The following HS2ST1 variants were observed in gnomAD, a reference collection of about 807,000 sequenced individuals.
The protein encoded by HS2ST1 is heparan sulfate 2-O-sulfotransferase 1.
In HS2ST1, 18 loss-of-function variants were observed where a neutral mutation model predicts 42.9. That is an observed-to-expected ratio of 0.42 (90% confidence interval 0.29 to 0.62). The LOEUF (loss-of-function observed/expected upper bound fraction) is 0.62. HS2ST1 is among the 20% of genes least tolerant of loss of function. The pLI, the probability that HS2ST1 is intolerant of heterozygous loss-of-function variation, is 0.21. For synonymous variants in HS2ST1, 146 were observed against 152.9 expected (o/e 0.95, Z 0.33); for missense variants, 334 against 433.8 (o/e 0.77, Z 2.04).
chr1:86,949,894 A>G (rs1647454003), intron 1 of HS2ST1, among the ~76,000 whole-genome samples: 1 of 152,230 alleles, frequency 6.6e-6, no homozygotes, highest in African/African-American at 2.4e-5. Flanking sequence ...CAGGAGATGC[A>G]AAATCTACTT....
chr1:86,978,304 T>G (rs1170046186), intron 1 of HS2ST1, among the ~76,000 whole-genome samples: 2 of 152,222 alleles, frequency 1.3e-5, no homozygotes, highest in Non-Finnish European at 2.9e-5. Context: ...TATTTGTAAG[T>G]TTTAAGTGAA....
Position 87,089,325 on chromosome 1 carries a change from T to C in HS2ST1, c.450-3206T>C, listed in dbSNP as rs72955589. The stretch of plus-strand genomic sequence containing the variant: ...CAACCTGCTGCTCAGATTATATCTT[T>C]TCGTTTCTGATTTTCATCTGCAGAT... On this transcript the variant is annotated intron_variant, in intron 3 of 6. Coordinates refer to ENST00000370550, the MANE Select transcript of HS2ST1 (RefSeq NM_012262.4). Among the ~76,000 whole-genome samples, 576 of 152,188 alleles carry C rather than the reference T, an allele frequency of 3.8e-3. 4 individuals are homozygous for C. The highest frequency in any genetic ancestry group is 0.013 in the African/African-American group (536 of 41,542).
At chr1:87,040,624 C>G (rs1189251425) in intron 1 of HS2ST1, among the ~76,000 whole-genome samples, 1 of 152,118 alleles carries the variant, frequency 6.6e-6, no homozygotes, top group Non-Finnish European at 1.5e-5. Context: ...GTGGCCCTTT[C>G]AGAACCTCAA....
rs745578597 is a variant in HS2ST1 at position 87,092,624 on chromosome 1, T to C, written c.543T>C (p.Asp181=). ...VSYYYFLRFG[D]DYRPGLRRRK... is the part of the protein sequence containing the mutation. Reference sequence around the variant, plus strand: ...ATTATTACTTTCTGAGATTTGGAGATGATTATAGACCAGGGTTACGGAGAC... The same window carrying C: ...ATTATTACTTTCTGAGATTTGGAGACGATTATAGACCAGGGTTACGGAGAC... The change falls in exon 4 of 7, where the codon GAT becomes GAC. Residue 181 remains aspartate (D), a synonymous_variant. Transcript: ENST00000370550. 2 of 1,584,552 alleles carry C rather than the reference T, an allele frequency of 1.3e-6. No homozygotes were observed. Among genetic ancestry groups the C allele is most frequent in the Admixed American group, 3.6e-5 (2 of 55,126 alleles).
intron 1 of HS2ST1, among the ~76,000 whole-genome samples, chr1:87,021,549 C>T (rs1221509422): frequency 6.6e-6 from 1 of 152,180 alleles, no homozygotes; most frequent in Non-Finnish European, 1.5e-5. Flanking sequence ...AGATTTCACT[C>T]TGTCATCCAG....
At chr1:87,101,505 A>G (rs1557546608) in intron 5 of HS2ST1, among the ~76,000 whole-genome samples, 1 of 152,006 alleles carries the variant, frequency 6.6e-6, no homozygotes, top group Non-Finnish European at 1.5e-5. Context: ...GATCTCTAGA[A>G]CTTGGACACC....
At chr1:87,049,922 T>A (rs1254276402) in intron 1 of HS2ST1, among the ~76,000 whole-genome samples, 1 of 152,088 alleles carries the variant, frequency 6.6e-6, no homozygotes, top group Non-Finnish European at 1.5e-5. Flanking sequence ...TTTTTAAAAC[T>A]CTCTTATAAA....
At chr1:86,978,861 C>CTTTTT (rs55812524) in intron 1 of HS2ST1, among the ~76,000 whole-genome samples, 1,208 of 98,404 alleles carry the variant, frequency 0.012, 13 homozygotes, top group Middle Eastern at 0.023. Flanking sequence ...ACTTGTGAAT[C>CTTTTT]TTTTTTTTTT....
At chr1:86,957,819 A>C (rs1015872863) in intron 1 of HS2ST1, among the ~76,000 whole-genome samples, 1 of 125,568 alleles carries the variant, frequency 8.0e-6, no homozygotes, top group African/African-American at 3.1e-5. Flanking sequence ...TTTGAGATGG[A>C]GTTTCATTCT....
At chr1:86,941,081 G>A (rs1214164301) in intron 1 of HS2ST1, among the ~76,000 whole-genome samples, 1 of 152,126 alleles carries the variant, frequency 6.6e-6, no homozygotes, top group African/African-American at 2.4e-5. Flanking sequence ...TGTAGAACTG[G>A]AACAAAATGA....
At chr1:87,013,928 A>G (rs896944650) in intron 1 of HS2ST1, among the ~76,000 whole-genome samples, 5 of 152,246 alleles carry the variant, frequency 3.3e-5, no homozygotes, top group African/African-American at 1.2e-4. Context: ...AGTAAGAGTC[A>G]CCTTTATTTT....
chr1:87,038,205 A>G (rs1473955723), intron 1 of HS2ST1, among the ~76,000 whole-genome samples: 1 of 152,116 alleles, frequency 6.6e-6, no homozygotes, highest in Non-Finnish European at 1.5e-5. Flanking sequence ...AACAATCAGC[A>G]GTTATCTCAT....
rs1464239628 is a variant in HS2ST1, at chr1:87,096,909, TTTC to T, written c.589-923_589-921del. Among the ~76,000 whole-genome samples, 16 of 152,378 alleles carry T rather than the reference TTTC, an allele frequency of 1.1e-4. No individual in the cohort carries two copies. In the East Asian group the frequency reaches 1.7e-3, roughly 17 times the overall value. ...TGGATATATAAGGTTTTATTTCTTA[TTTC>T]TTCTTATGAGCTACAAAATCTGGCA... On this transcript the variant is annotated intron_variant, in intron 4 of 6. Coordinates refer to ENST00000370550, the MANE Select transcript of HS2ST1 (RefSeq NM_012262.4).
intron 1 of HS2ST1, among the ~76,000 whole-genome samples, chr1:87,026,592 G>A (rs1650090463): frequency 1.3e-5 from 2 of 152,252 alleles, no homozygotes; most frequent in Admixed American, 1.3e-4. Context: ...TATTGGCAGA[G>A]TTTCTTAATA....
chr1:87,098,063 G>T (rs2100654350), intron 5 of HS2ST1, 128 bp downstream of exon 5: 1 of 1,461,926 alleles, frequency 6.8e-7, no homozygotes, highest in Non-Finnish European at 9.1e-7. Flanking sequence ...ATGTAATTCA[G>T]TAATATCTAG....
At chr1:87,010,054 AC>A (rs763763416) in intron 1 of HS2ST1, among the ~76,000 whole-genome samples, 217 of 34,458 alleles carry the variant, frequency 6.3e-3, no homozygotes, top group East Asian at 0.031. Context: ...ACAAAACAAA[AC>A]AAAAAAAAAA....
At chr1:87,061,936 T>C (rs1651131094) in intron 1 of HS2ST1, among the ~76,000 whole-genome samples, 1 of 151,822 alleles carries the variant, frequency 6.6e-6, no homozygotes, top group South Asian at 2.1e-4. Flanking sequence ...TTTTTTTAAG[T>C]TTTTGGTTTA....
chr1:87,080,136 T>C (rs1293036912), intron 2 of HS2ST1, among the ~76,000 whole-genome samples: 6 of 152,156 alleles, frequency 3.9e-5, no homozygotes, highest in Non-Finnish European at 8.8e-5. Context: ...ATTTAGGAAG[T>C]AAAATTCAAA....
chr1:87,074,065 G>A (rs773339857), intron 2 of HS2ST1, among the ~76,000 whole-genome samples: 1 of 152,164 alleles, frequency 6.6e-6, no homozygotes, highest in Non-Finnish European at 1.5e-5. Context: ...TTAAACAAGA[G>A]AATTACATTG....
Sources: gnomAD v4.1 joint callset for allele counts (sites outside exome capture counted in the v4.1 genomes callset) on GRCh38, gnomAD v4.1.1 for gene constraint, MANE v1.5 for transcripts, NCBI Gene and HGNC (gene_info 2026-07-23, HGNC 2026-07-21) for gene names.